Variants in SPATA13 observed in about 807,000 individuals in gnomAD.
The protein encoded by SPATA13 is spermatogenesis-associated protein 13.
A neutral mutation model predicts 104.0 loss-of-function variants in SPATA13; 50 were observed. The ratio of observed to expected loss-of-function variants is 0.48; its 90% CI spans 0.38 to 0.61. The LOEUF is 0.61. SPATA13 is among the 20% of genes least tolerant of loss of function. The pLI is 0.00. For missense variants in SPATA13, 1,524 were observed against 1,690.6 expected (o/e 0.90, Z 1.73); for synonymous variants, 606 against 667.5 (o/e 0.91, Z 1.42).
chr13:24,224,639 G>A (rs1278851819), intron 2 of SPATA13, 57 bp downstream of exon 2: 4 of 1,521,930 alleles, frequency 2.6e-6, no homozygotes. Flanking sequence ...AAGGGAGCTT[G>A]CACAGGTGTT....
intron 3 of SPATA13, among the ~76,000 whole-genome samples, chr13:24,147,317 GC>G (rs1278259610): frequency 6.6e-6 from 1 of 152,140 alleles, no homozygotes; most frequent in African/African-American, 2.4e-5. Flanking sequence ...AGTGTAGTCT[GC>G]TTTGCTAAAT....
chr13:24,169,747 C>T lies in SPATA13; in HGVS notation c.-112+8815C>T, dbSNP rs558723151. 2.8e-4 allele frequency among the ~76,000 whole-genome samples: 42 copies of T among 152,326 alleles called. 1 individual carries two copies. In the South Asian group the frequency reaches 7.9e-3, roughly 29 times the overall value. ...AATGGGAGGTGAGGGAAGAAGGTAA[C>T]CTCCTGCAGACCTTTCTTCTCAGTC... On this transcript the variant is annotated intron_variant, in intron 1 of 12. Transcript: ENST00000382108.
At chr13:24,019,098 T>A (rs1876848823) in intron 3 of SPATA13, among the ~76,000 whole-genome samples, 1 of 149,418 alleles carries the variant, frequency 6.7e-6, no homozygotes, top group African/African-American at 2.4e-5. Flanking sequence ...TTATTATTTT[T>A]TTTTTTTTGA....
chr13:24,216,028 G>A (rs749791139), intron 1 of SPATA13, among the ~76,000 whole-genome samples: 38 of 152,188 alleles, frequency 2.5e-4, no homozygotes, highest in Admixed American at 5.9e-4. Flanking sequence ...AAGTCAAGAC[G>A]CAGGGCAGTC....
intron 2 of SPATA13, among the ~76,000 whole-genome samples, chr13:24,006,251 C>T (rs1876222522): frequency 6.6e-6 from 1 of 152,040 alleles, no homozygotes; most frequent in East Asian, 1.9e-4. Flanking sequence ...TTTCTTATTC[C>T]CAGTATTCAT....
chr13:24,162,813 G>A (rs984258110), intron 1 of SPATA13, among the ~76,000 whole-genome samples: 1 of 152,234 alleles, frequency 6.6e-6, no homozygotes, highest in African/African-American at 2.4e-5. Context: ...CCTAGCAGTG[G>A]AGGCCCTCTT....
At chr13:24,090,471 GTCC>G (rs1342015052) in intron 3 of SPATA13, among the ~76,000 whole-genome samples, 1 of 152,090 alleles carries the variant, frequency 6.6e-6, no homozygotes, top group Non-Finnish European at 1.5e-5. Flanking sequence ...CCTCCTGACC[GTCC>G]CCTCACCGAA....
intron 2 of SPATA13, among the ~76,000 whole-genome samples, chr13:24,235,426 G>A (rs1872521209): frequency 6.6e-6 from 1 of 152,218 alleles, no homozygotes; most frequent in Non-Finnish European, 1.5e-5. Context: ...AAGAGAGAAA[G>A]ATTGCTTGTA....
chr13:24,134,122 C>T (rs1181766233), intron 3 of SPATA13, among the ~76,000 whole-genome samples: 8 of 152,160 alleles, frequency 5.3e-5, no homozygotes, highest in Non-Finnish European at 1.2e-4. Flanking sequence ...TAGAACTCTG[C>T]CAGGTGAGAA....
intron 1 of SPATA13, among the ~76,000 whole-genome samples, chr13:24,167,279 C>T (rs1030867161): frequency 2.0e-5 from 3 of 152,174 alleles, no homozygotes; most frequent in East Asian, 1.9e-4. Flanking sequence ...GGTGGCACCA[C>T]GTCTGTTGTG....
chr13:24,238,111 G>A (rs1196957992), intron 2 of SPATA13, among the ~76,000 whole-genome samples: 1 of 132,998 alleles, frequency 7.5e-6, no homozygotes, highest in Non-Finnish European at 1.6e-5. Context: ...CCACTTTCCA[G>A]CCCAAACCAG....
chr13:24,170,901 C>G (rs1882941523), intron 1 of SPATA13, among the ~76,000 whole-genome samples: 1 of 151,920 alleles, frequency 6.6e-6, no homozygotes, highest in African/African-American at 2.4e-5. Context: ...GAAGAGTGTT[C>G]TTTGATGGGA....
chr13:24,209,108 G>A (rs1052130567), intron 1 of SPATA13, among the ~76,000 whole-genome samples: 2 of 152,126 alleles, frequency 1.3e-5, no homozygotes, highest in African/African-American at 4.8e-5. Context: ...TCTAACGGAG[G>A]TGCAGAGATA....
At chr13:23,999,422 A>C (rs746414017) in intron 2 of SPATA13, among the ~76,000 whole-genome samples, 2 of 144,598 alleles carry the variant, frequency 1.4e-5, no homozygotes, top group Non-Finnish European at 3.0e-5. Context: ...ATTGTGTAGA[A>C]TATTTAGACC....
Position 24,218,016 on chromosome 13 carries a change from G to T in SPATA13, c.-111-4803G>T, listed in dbSNP as rs568239591. The stretch of plus-strand genomic sequence containing the variant: ...AAGAGCCTGAGAGCAGACAAAACTC[G>T]CAAAGGCATGGTGGTGTGAGGATCA... On this transcript the variant is annotated intron_variant, in intron 1 of 12. Transcript: ENST00000382108. Among the ~76,000 whole-genome samples the T allele has an allele frequency of 3.9e-5, 6 of 152,346 alleles. No homozygotes were observed. The South Asian group carries it at 1.2e-3, about 32-fold the overall frequency.
At chr13:24,292,631 T>C (rs1876474515) in intron 9 of SPATA13, among the ~76,000 whole-genome samples, 1 of 152,164 alleles carries the variant, frequency 6.6e-6, no homozygotes, top group Admixed American at 6.5e-5. Flanking sequence ...AATATCTTCC[T>C]GCAGGGAGTG....
chr13:24,096,335 C>T (rs1404091688), intron 3 of SPATA13, among the ~76,000 whole-genome samples: 1 of 152,160 alleles, frequency 6.6e-6, no homozygotes, highest in Non-Finnish European at 1.5e-5. Flanking sequence ...GTGGCTCACG[C>T]CTGTAATCCT....
At chr13:24,261,192 T>C (rs114889974) in intron 4 of SPATA13, among the ~76,000 whole-genome samples, 1,753 of 152,268 alleles carry the variant, frequency 0.012, 30 homozygotes, top group African/African-American at 0.04. Context: ...CTCGGGAGTC[T>C]GTTGCCTCGG....
intron 3 of SPATA13, among the ~76,000 whole-genome samples, chr13:24,111,292 A>T (rs1363127086): frequency 6.6e-6 from 1 of 151,974 alleles, no homozygotes; most frequent in Non-Finnish European, 1.5e-5. Context: ...CATCCTCTCC[A>T]TCTCCGTTGC....
Sources: allele counts gnomAD v4.1 joint callset (sites outside exome capture counted in the v4.1 genomes callset), GRCh38; gene constraint gnomAD v4.1.1; transcripts MANE v1.5; gene names NCBI Gene and HGNC (gene_info 2026-07-23, HGNC 2026-07-21).